The following FRMD4B variants were observed in gnomAD, a reference collection of about 807,000 sequenced individuals.
FRMD4B encodes FERM domain-containing protein 4B.
Under a neutral mutation model 141.5 loss-of-function variants are expected in FRMD4B, and 74 were observed. The observed-to-expected ratio is 0.52, with a 90% CI of 0.43 to 0.63. The LOEUF (loss-of-function observed/expected upper bound fraction) is 0.63, where lower values mean the gene tolerates loss of function less well. Ranked by LOEUF, FRMD4B falls within the 30% of genes least tolerant of loss-of-function variation. The pLI is 0.00. For synonymous variants in FRMD4B, 506 were observed against 467.9 expected (o/e 1.08, Z -1.05); for missense variants, 1,366 against 1,253.4 (o/e 1.09, Z -1.36).
At chr3:69,539,443 C>T (rs889097881) in intron 1 of FRMD4B, among the ~76,000 whole-genome samples, 1 of 152,176 alleles carries the variant, frequency 6.6e-6, no homozygotes, top group Non-Finnish European at 1.5e-5. Context: ...TCAAATGCAA[C>T]CATCTGCCTG....
intron 2 of FRMD4B, among the ~76,000 whole-genome samples, chr3:69,427,979 A>C (rs1453109820): frequency 2.0e-5 from 3 of 152,106 alleles, no homozygotes; most frequent in Non-Finnish European, 4.4e-5. Context: ...GTAAATGTTA[A>C]AGAATAATTT....
chr3:69,375,560 C>A (rs1703951261), intron 1 of FRMD4B, among the ~76,000 whole-genome samples: 1 of 152,120 alleles, frequency 6.6e-6, no homozygotes, highest in Non-Finnish European at 1.5e-5. Context: ...GGTTTGAGTT[C>A]ATAGACTTCA....
intron 1 of FRMD4B, among the ~76,000 whole-genome samples, chr3:69,454,069 A>G (rs191147615): frequency 6.6e-6 from 1 of 152,298 alleles, no homozygotes; most frequent in African/African-American, 2.4e-5. Context: ...AATAAATAAG[A>G]GAAGTAGATT....
At chr3:69,457,676 A>T (rs983060701) in intron 1 of FRMD4B, among the ~76,000 whole-genome samples, 66 of 150,372 alleles carry the variant, frequency 4.4e-4, no homozygotes, top group African/African-American at 1.4e-3. Context: ...AAAATTTTTT[A>T]AAGTCCACTG....
chr3:69,301,774 C>A (rs1291266008), intron 4 of FRMD4B, among the ~76,000 whole-genome samples: 1 of 152,338 alleles, frequency 6.6e-6, no homozygotes, highest in East Asian at 1.9e-4. Flanking sequence ...AAGCAAACCT[C>A]AGAGAACAAG....
Position 69,265,268 on chromosome 3 carries a change from AAATATATATATATATATATATAT to A in FRMD4B, c.502-15192_502-15170del, listed in dbSNP as rs1420370792. Among the ~76,000 whole-genome samples, 10 of 28,870 alleles carry A rather than the reference AAATATATATATATATATATATAT, an allele frequency of 3.5e-4. 3 individuals are homozygous for A. In the South Asian group the frequency reaches 8.8e-3, roughly 25 times the overall value. The allele number at this position is 28,870 out of a possible 152,430, so 18.9% of individuals were successfully genotyped here. ...AGACTCCATCTCAAAAAAAAAAAAA[AAATATATATATATATATATATAT>A]ATATATATATATATATATATATATG... On this transcript the variant is annotated intron_variant, in intron 5 of 22. Transcript: ENST00000398540.
intron 4 of FRMD4B, among the ~76,000 whole-genome samples, chr3:69,288,130 ATTC>A (rs1256517726): frequency 6.6e-6 from 1 of 152,260 alleles, no homozygotes; most frequent in Non-Finnish European, 1.5e-5. Context: ...TGTGTTGCTT[ATTC>A]TTTGAAACAT....
chr3:69,354,880 A>C (rs1703267295), intron 1 of FRMD4B, among the ~76,000 whole-genome samples: 1 of 152,236 alleles, frequency 6.6e-6, no homozygotes. Context: ...TGATGATATC[A>C]GTAGAAAAGG....
intron 11 of FRMD4B, among the ~76,000 whole-genome samples, chr3:69,199,921 T>TA (rs1347625605): frequency 6.6e-6 from 1 of 152,248 alleles, no homozygotes; most frequent in East Asian, 1.9e-4. Flanking sequence ...TGGTTTGTCC[T>TA]GTCAACTTGG....
At chr3:69,249,518 T>A (rs2093447585) in intron 6 of FRMD4B, among the ~76,000 whole-genome samples, 1 of 152,210 alleles carries the variant, frequency 6.6e-6, no homozygotes, top group African/African-American at 2.4e-5. Flanking sequence ...GTTTTTAAGA[T>A]CACATGATAA....
chr3:69,273,130 T>C (rs2093603182), intron 5 of FRMD4B, among the ~76,000 whole-genome samples: 1 of 152,214 alleles, frequency 6.6e-6, no homozygotes, highest in African/African-American at 2.4e-5. Flanking sequence ...TTTGGTTGAA[T>C]GGTTGGGATG....
rs778313478 is a variant in FRMD4B, at chr3:69,250,074, G to A, written c.527C>T (p.Thr176Ile). ...HKGQIEVESETIFKLAAFILQ... is the reference protein window; with the variant it reads ...HKGQIEVESEIIFKLAAFILQ... Reference sequence around the variant, plus strand: ...AATAAACGCTGCTAACTTGAAGATGGTTTCGCTCTCTACTTCGATTTGCCC... The same window carrying A: ...AATAAACGCTGCTAACTTGAAGATGATTTCGCTCTCTACTTCGATTTGCCC... Residue 176 changes from threonine (T) to isoleucine (I), a missense_variant, in exon 6 of 23, where the codon ACC (threonine) becomes ATC (isoleucine). Coordinates refer to ENST00000398540, the MANE Select transcript of FRMD4B (RefSeq NM_015123.3). 8 of 1,610,970 alleles carry A rather than the reference G, an allele frequency of 5.0e-6. No homozygotes were observed. Among genetic ancestry groups the A allele is most frequent in the East Asian group, 2.2e-5 (1 of 44,876 alleles).
At chr3:69,263,127 G>A (rs541281295) in intron 5 of FRMD4B, among the ~76,000 whole-genome samples, 2 of 152,006 alleles carry the variant, frequency 1.3e-5, no homozygotes, top group Non-Finnish European at 2.9e-5. Flanking sequence ...CATGGTGGCA[G>A]GCAGCTGTAG....
chr3:69,493,764 T>C (rs1706341614), intron 1 of FRMD4B, among the ~76,000 whole-genome samples: 1 of 152,216 alleles, frequency 6.6e-6, no homozygotes, highest in South Asian at 2.1e-4. Context: ...CTTACGGTTA[T>C]CATCAGCACT....
At chr3:69,235,872 T>C (rs1004016381) in intron 7 of FRMD4B, among the ~76,000 whole-genome samples, 2 of 152,230 alleles carry the variant, frequency 1.3e-5, no homozygotes, top group African/African-American at 4.8e-5. Context: ...ACTCCAAACC[T>C]GTGCTTTAAC....
chr3:69,332,148 G>A (rs1702390432), intron 1 of FRMD4B, among the ~76,000 whole-genome samples: 2 of 152,106 alleles, frequency 1.3e-5, no homozygotes, highest in Admixed American at 1.3e-4. Context: ...CAGGATGAAA[G>A]CTCCCACAGG....
chr3:69,320,485 C>T (rs527315465), intron 1 of FRMD4B, among the ~76,000 whole-genome samples: 8 of 151,830 alleles, frequency 5.3e-5, no homozygotes, highest in Non-Finnish European at 1.0e-4. Context: ...CCCAGCTACT[C>T]GGGAAGCTGA....
intron 5 of FRMD4B, among the ~76,000 whole-genome samples, chr3:69,275,953 A>G (rs1232837244): frequency 5.3e-5 from 8 of 152,170 alleles, no homozygotes; most frequent in African/African-American, 1.9e-4. Flanking sequence ...TCATATACAT[A>G]AGCACATAAT....
intron 1 of FRMD4B, among the ~76,000 whole-genome samples, chr3:69,337,958 T>C (rs908819723): frequency 6.6e-6 from 1 of 152,224 alleles, no homozygotes; most frequent in Admixed American, 6.5e-5. Flanking sequence ...CATTACTGGG[T>C]ATATACCCAA....
Sources: gnomAD v4.1 joint callset for allele counts (sites outside exome capture counted in the v4.1 genomes callset) on GRCh38, gnomAD v4.1.1 for gene constraint, MANE v1.5 for transcripts, NCBI Gene and HGNC (gene_info 2026-07-23, HGNC 2026-07-21) for gene names.